The following SEMA5A variants were observed in gnomAD, a reference collection of about 807,000 sequenced individuals.
SEMA5A encodes semaphorin 5A, also known as semaphorin-5A.
A neutral mutation model predicts 135.5 loss-of-function variants in SEMA5A; 55 were observed. The observed-to-expected ratio is 0.41, with a 90% confidence interval of 0.33 to 0.51. SEMA5A has a LOEUF of 0.51. Ranked by LOEUF, SEMA5A falls within the 20% of genes least tolerant of loss-of-function variation. The probability of loss-of-function intolerance (pLI) is 0.37; values close to 1 mark genes in which losing one functional copy is unlikely to be tolerated. For missense variants in SEMA5A, 1,290 were observed against 1,419.9 expected (o/e 0.91, Z 1.47); for synonymous variants, 580 against 546.5 (o/e 1.06, Z -0.85).
At chr5:9,506,381 T>C (rs1432485358) in intron 1 of SEMA5A, among the ~76,000 whole-genome samples, 1 of 152,226 alleles carries the variant, frequency 6.6e-6, no homozygotes. Flanking sequence ...CAAATTATTT[T>C]TGAAAAATTA....
intron 5 of SEMA5A, among the ~76,000 whole-genome samples, chr5:9,296,254 G>A (rs1751328947): frequency 1.3e-5 from 2 of 152,068 alleles, no homozygotes; most frequent in South Asian, 4.1e-4. Context: ...TTTACTATCT[G>A]TATATCCGTT....
At chr5:9,239,462 G>A (rs888797635) in intron 5 of SEMA5A, among the ~76,000 whole-genome samples, 1 of 152,130 alleles carries the variant, frequency 6.6e-6, no homozygotes, top group African/African-American at 2.4e-5. Context: ...ATATCCCCAT[G>A]AAGTACAGAT....
intron 16 of SEMA5A, among the ~76,000 whole-genome samples, chr5:9,085,541 G>A (rs970612354): frequency 1.3e-5 from 2 of 152,352 alleles, no homozygotes; most frequent in South Asian, 2.1e-4. Flanking sequence ...ACAGGGTGTT[G>A]AGACTGTGAT....
intron 2 of SEMA5A, among the ~76,000 whole-genome samples, chr5:9,395,746 A>G (rs1353808044): frequency 6.6e-6 from 1 of 152,208 alleles, no homozygotes; most frequent in East Asian, 1.9e-4. Context: ...TGTATGCAAT[A>G]GATTACATTT....
At chr5:9,154,065 ATATAT>A (rs1560967889) in intron 12 of SEMA5A, among the ~76,000 whole-genome samples, 270 of 46,988 alleles carry the variant, frequency 5.7e-3, no homozygotes, top group Non-Finnish European at 0.01. Context: ...AAAAAAAAAT[ATATAT>A]ATATATATAT....
intron 21 of SEMA5A, among the ~76,000 whole-genome samples, chr5:9,048,114 TGTCCTGGACCCAGGCAGCAGACA>T (rs1167047438): frequency 6.6e-6 from 1 of 152,192 alleles, no homozygotes; most frequent in Non-Finnish European, 1.5e-5. Flanking sequence ...TGACCTACAC[TGTCCTGGACCCAGGCAGCAGACA>T]GTCCTGGACC....
chr5:9,379,131 T>G (rs1419145502), intron 3 of SEMA5A, among the ~76,000 whole-genome samples: 1 of 152,120 alleles, frequency 6.6e-6, no homozygotes, highest in Non-Finnish European at 1.5e-5. Context: ...GATACAAAGT[T>G]TTAAAAACAA....
intron 15 of SEMA5A, among the ~76,000 whole-genome samples, chr5:9,115,006 G>C (rs1740438009): frequency 6.6e-6 from 1 of 152,176 alleles, no homozygotes; most frequent in Admixed American, 6.5e-5. Context: ...GTGAGCTGGA[G>C]GGTGTTGTCT....
intron 2 of SEMA5A, among the ~76,000 whole-genome samples, chr5:9,388,967 A>G (rs1386223880): frequency 1.3e-5 from 2 of 152,168 alleles, no homozygotes; most frequent in Admixed American, 1.3e-4. Flanking sequence ...CCACTGCAAG[A>G]TGTGGAGTCT....
At chr5:9,453,304 A>T (rs1336618865) in intron 1 of SEMA5A, among the ~76,000 whole-genome samples, 1 of 152,204 alleles carries the variant, frequency 6.6e-6, no homozygotes, top group Non-Finnish European at 1.5e-5. Flanking sequence ...GACAACAGGC[A>T]TTCCCAGCCG....
At chr5:9,094,115 C>T (rs1024135306) in intron 16 of SEMA5A, among the ~76,000 whole-genome samples, 5 of 152,162 alleles carry the variant, frequency 3.3e-5, no homozygotes, top group Non-Finnish European at 5.9e-5. Context: ...AGAAAGGAGG[C>T]TCCTTGAGAA....
At chr5:9,237,677 C>T (rs1435234975) in intron 6 of SEMA5A, 151 bp downstream of exon 6, 2 of 494,540 alleles carry the variant, frequency 4.0e-6, no homozygotes, top group African/African-American at 3.9e-5. Flanking sequence ...GTATTAAAAA[C>T]TTGAGAATAT....
At chr5:9,330,131 G>GA (rs11289221) in intron 4 of SEMA5A, among the ~76,000 whole-genome samples, 53 of 149,750 alleles carry the variant, frequency 3.5e-4, no homozygotes, top group East Asian at 2.4e-3. Flanking sequence ...CTCAAGCAGG[G>GA]AAAAAAAAAA....
At position 9,227,390 on chromosome 5, in the gene SEMA5A, C is replaced by T. The variant is rs1036000028; in HGVS notation, c.334-423G>A. ...TAAAAGGAACCTATTAGATGTCGCTCGGGAAGCAGTGCCTTGGAAAACTTC... is the reference window on the plus strand; with the variant it reads ...TAAAAGGAACCTATTAGATGTCGCTTGGGAAGCAGTGCCTTGGAAAACTTC... On this transcript the variant is annotated intron_variant, in intron 6 of 22. Coordinates refer to ENST00000382496, the MANE Select transcript of SEMA5A (RefSeq NM_003966.3). 5.9e-5 allele frequency among the ~76,000 whole-genome samples: 9 copies of T among 152,132 alleles called. No homozygotes were observed. The East Asian group carries it at 7.7e-4, about 13-fold the overall frequency.
At chr5:9,431,845 A>T (rs990103356) in intron 2 of SEMA5A, among the ~76,000 whole-genome samples, 4 of 152,166 alleles carry the variant, frequency 2.6e-5, no homozygotes, top group Non-Finnish European at 5.9e-5. Flanking sequence ...AGCACACGTC[A>T]ATCCCTCCCA....
chr5:9,299,991 G>A (rs1001101813), intron 5 of SEMA5A, among the ~76,000 whole-genome samples: 4 of 150,060 alleles, frequency 2.7e-5, no homozygotes, highest in Admixed American at 6.6e-5. Context: ...TCCAAAACAC[G>A]AACAAAAAGA....
chr5:9,272,973 C>T (rs964569677), intron 5 of SEMA5A, among the ~76,000 whole-genome samples: 7 of 152,162 alleles, frequency 4.6e-5, no homozygotes, highest in Admixed American at 6.5e-5. Flanking sequence ...CACAACTCCT[C>T]ACCAGCAAGG....
chr5:9,493,871 A>G (rs1193532894), intron 1 of SEMA5A, among the ~76,000 whole-genome samples: 2 of 152,204 alleles, frequency 1.3e-5, no homozygotes, highest in African/African-American at 2.4e-5. Context: ...TTCTAGCAGC[A>G]AGTAACAAAG....
At chr5:9,442,377 TCCA>T (rs1055503812) in intron 1 of SEMA5A, among the ~76,000 whole-genome samples, 93 of 152,302 alleles carry the variant, frequency 6.1e-4, no homozygotes, top group Middle Eastern at 3.4e-3. Flanking sequence ...AGAAGCACTG[TCCA>T]CGTGTCTCCA....
Sources: allele counts gnomAD v4.1 joint callset (sites outside exome capture counted in the v4.1 genomes callset), GRCh38; gene constraint gnomAD v4.1.1; transcripts MANE v1.5; gene names NCBI Gene and HGNC (gene_info 2026-07-23, HGNC 2026-07-21).